XIAP: variants seen among roughly 807,000 people sequenced by gnomAD.
XIAP encodes X-linked inhibitor of apoptosis, also known as E3 ubiquitin-protein ligase XIAP.
In XIAP, 3 loss-of-function variants were observed where a neutral mutation model predicts 33.1. That is an observed-to-expected ratio of 0.09 (90% confidence interval 0.04 to 0.23). The LOEUF (loss-of-function observed/expected upper bound fraction) is 0.23. XIAP is among the 10% of genes least tolerant of loss of function. XIAP has a pLI of 1.00. For synonymous variants in XIAP, 98 were observed against 121.3 expected (o/e 0.81, Z 1.26); for missense variants, 264 against 363.0 (o/e 0.73, Z 2.22).
intron 1 of XIAP, among the ~76,000 whole-genome samples, chrX:123,880,627 C>T (rs922168743): frequency 8.5e-5 from 9 of 105,603 alleles, no homozygotes; most frequent in Non-Finnish European, 1.7e-4. Context: ...ATCCCAGCTA[C>T]TTGGGAGGCT....
intron 1 of XIAP, among the ~76,000 whole-genome samples, chrX:123,878,111 A>G (rs1381785320): frequency 1.8e-5 from 2 of 111,932 alleles, no homozygotes; most frequent in African/African-American, 6.5e-5. Flanking sequence ...CTAACATCCC[A>G]TTTTCCATAT....
intron 1 of XIAP, among the ~76,000 whole-genome samples, chrX:123,870,386 C>G (rs1310823468): frequency 8.9e-6 from 1 of 112,141 alleles, no homozygotes; most frequent in Non-Finnish European, 1.9e-5. Flanking sequence ...CATGCGGACA[C>G]TCATGAAATA....
At chrX:123,889,104 T>C (rs1160416004) in intron 3 of XIAP, among the ~76,000 whole-genome samples, 1 of 103,986 alleles carries the variant, frequency 9.6e-6, no homozygotes, top group Non-Finnish European at 2.0e-5. Flanking sequence ...TTTTTTTTTT[T>C]TTTTTGATAT....
Position 123,909,253 on chromosome X carries a change from A to C in XIAP, c.*2072A>C. 1 of 320,512 alleles carries C rather than the reference A, an allele frequency of 3.1e-6. No individual in the cohort carries two copies. 26.4% of individuals were successfully genotyped at this position (320,512 alleles called of 1,213,427 possible). A position where few individuals can be genotyped will look rare whatever the true frequency, so the allele number is the denominator to read the frequency against. On this transcript the variant is annotated 3_prime_UTR_variant, in exon 7 of 7. Coordinates refer to ENST00000371199, the MANE Select transcript of XIAP (RefSeq NM_001167.4). ...ACCATGTTGGCCAGGCTGGTATCAA[A>C]CTCCTGACCTCAAGAGATCCACTCG...
At chrX:123,859,838 G>A, upstream of XIAP, 4 of 250,360 alleles carry the variant, frequency 1.6e-5, no homozygotes, top group South Asian at 1.5e-4. Context: ...CCGGTTCGGG[G>A]AGGTGGCGGG....
rs2053589873 is a variant in XIAP at position 123,910,520 on chromosome X, A to G, written c.*3339A>G. Reference sequence around the variant, plus strand: ...CAGGTGTTGAATGGGGAAAGGGGCTAGTATATCAGTAGGATATACTATGGG... The same window carrying G: ...CAGGTGTTGAATGGGGAAAGGGGCTGGTATATCAGTAGGATATACTATGGG... On this transcript the variant is annotated 3_prime_UTR_variant, in exon 7 of 7. Transcript: ENST00000371199. The G allele has an allele frequency of 3.1e-6, 1 of 327,436 alleles. No individual in the cohort carries two copies. Among genetic ancestry groups the G allele is most frequent in the African/African-American group, 2.7e-5 (1 of 37,534 alleles). 27.0% of individuals were successfully genotyped at this position (327,436 alleles called of 1,213,427 possible). A position where few individuals can be genotyped will look rare whatever the true frequency, so the allele number is the denominator to read the frequency against.
chrX:123,892,724 G>A lies in XIAP; in HGVS notation c.1057-7G>A, dbSNP rs753427928. On this transcript the variant is annotated splice_region_variant and splice_polypyrimidine_tract_variant and intron_variant, in intron 4 of 6. Coordinates refer to ENST00000371199, the MANE Select transcript of XIAP (RefSeq NM_001167.4). Reference sequence around the variant, plus strand: ...ATTCTAACTTACAGTTCCTATTTCTGTTACAGGTAAGAACTACTGAGAAAA... The same window carrying A: ...ATTCTAACTTACAGTTCCTATTTCTATTACAGGTAAGAACTACTGAGAAAA... 6.4e-5 allele frequency: 77 copies of A among 1,193,850 alleles called. No individual in the cohort carries two copies. Among genetic ancestry groups the A allele is most frequent in the Non-Finnish European group, 8.3e-5 (73 of 881,600 alleles).
intron 1 of XIAP, among the ~76,000 whole-genome samples, chrX:123,880,781 G>A (rs1008874918): frequency 2.8e-5 from 3 of 105,589 alleles, no homozygotes; most frequent in African/African-American, 6.9e-5. Context: ...CTTTTGTGTC[G>A]TATACAGACA....
intron 1 of XIAP, among the ~76,000 whole-genome samples, chrX:123,868,888 A>G (rs768308573): frequency 8.9e-6 from 1 of 112,193 alleles, no homozygotes; most frequent in Admixed American, 9.6e-5. Flanking sequence ...AAATTGTGAT[A>G]CATTTGTAGC....
At chrX:123,874,181 T>A (rs2053221065) in intron 1 of XIAP, among the ~76,000 whole-genome samples, 1 of 111,739 alleles carries the variant, frequency 8.9e-6, no homozygotes, top group Non-Finnish European at 1.9e-5. Flanking sequence ...ATAACCAGAT[T>A]ACACCCATAG....
At position 123,912,947 on chromosome X, in the gene XIAP, A is replaced by G. The variant is rs1210999741; in HGVS notation, c.*5766A>G. The G allele has an allele frequency of 3.5e-6, 1 of 283,729 alleles. No individual in the cohort carries two copies. Among genetic ancestry groups the G allele is most frequent in the Admixed American group, 3.8e-5 (1 of 26,107 alleles). The allele number at this position is 283,729 out of a possible 1,213,427, so 23.4% of individuals were successfully genotyped here. On this transcript the variant is annotated 3_prime_UTR_variant, in exon 7 of 7. Coordinates refer to ENST00000371199, the MANE Select transcript of XIAP (RefSeq NM_001167.4). Reference sequence around the variant, plus strand: ...AGGCGTGAGCCACCACGGCCGGCTAATTTTTGTATTTTTTAGTAGTGACTG... The same window carrying G: ...AGGCGTGAGCCACCACGGCCGGCTAGTTTTTGTATTTTTTAGTAGTGACTG...
At chrX:123,867,013 C>T (rs2053145232) in intron 1 of XIAP, among the ~76,000 whole-genome samples, 1 of 95,621 alleles carries the variant, frequency 1.0e-5, no homozygotes, top group Admixed American at 1.2e-4. Context: ...TAATGACGAT[C>T]ATATTGTCTA....
At chrX:123,872,263 A>C (rs2053200897) in intron 1 of XIAP, among the ~76,000 whole-genome samples, 1 of 110,622 alleles carries the variant, frequency 9.0e-6, no homozygotes, top group South Asian at 3.7e-4. Context: ...GTGGATGAAC[A>C]GTTCATAACT....
At chrX:123,874,869 A>ATTT (rs773693860) in intron 1 of XIAP, among the ~76,000 whole-genome samples, 243 of 42,690 alleles carry the variant, frequency 5.7e-3, no homozygotes, top group Middle Eastern at 0.015. Context: ...TAATTCTTGT[A>ATTT]TTTTTTTTTT....
rs1212625622 is a variant in XIAP at position 123,913,258 on chromosome X, G to A, written c.*6077G>A. ...AGGCTGAGGCAGGCGGCTCACCTGA[G>A]GTCAGGAGTTGGAGACCAGCCTGGC... On this transcript the variant is annotated 3_prime_UTR_variant, in exon 7 of 7. Coordinates refer to ENST00000371199, the MANE Select transcript of XIAP (RefSeq NM_001167.4). 3.0e-6 allele frequency: 1 copy of A among 328,553 alleles called. No homozygotes were observed. The highest frequency in any genetic ancestry group is 9.7e-4 in the Middle Eastern group (1 of 1,035). The allele number at this position is 328,553 out of a possible 1,213,427, so 27.1% of individuals were successfully genotyped here.
intron 5 of XIAP, 147 bp from the exon 6 acceptor site, chrX:123,900,346 C>T: frequency 2.0e-6 from 1 of 510,320 alleles, no homozygotes. Context: ...AAAATCTTCC[C>T]AAAGCAGCTT....
At chrX:123,864,875 G>T (rs1469435894) in intron 1 of XIAP, among the ~76,000 whole-genome samples, 2 of 104,607 alleles carry the variant, frequency 1.9e-5, no homozygotes, top group Non-Finnish European at 3.9e-5. Flanking sequence ...GTAAAGACAG[G>T]GTTTCACCAT....
rs774680094 is a variant in XIAP at position 123,900,411 on chromosome X, A to G, written c.1100-82A>G. The G allele has an allele frequency of 8.1e-5, 69 of 853,812 alleles. No homozygotes were observed. The South Asian group carries it at 1.4e-3, about 17-fold the overall frequency. The allele number at this position is 853,812 out of a possible 1,213,427, so 70.4% of individuals were successfully genotyped here. Reference sequence around the variant, plus strand: ...CTTGCTCCTTAATTTTTTCATTTTAACTATATTTTGCTATTGAGTTGTGAT... The same window carrying G: ...CTTGCTCCTTAATTTTTTCATTTTAGCTATATTTTGCTATTGAGTTGTGAT... On this transcript the variant is annotated intron_variant, in intron 5 of 6. Coordinates refer to ENST00000371199, the MANE Select transcript of XIAP (RefSeq NM_001167.4).
In XIAP at chrX:123,909,331, A is replaced by G. The variant is rs1238695522; in HGVS notation, c.*2150A>G. The G allele has an allele frequency of 3.0e-6, 1 of 329,073 alleles. No individual in the cohort carries two copies. Among genetic ancestry groups the G allele is most frequent in the Admixed American group, 3.1e-5 (1 of 32,141 alleles). 27.1% of individuals were successfully genotyped at this position (329,073 alleles called of 1,213,427 possible). A position where few individuals can be genotyped will look rare whatever the true frequency, so the allele number is the denominator to read the frequency against. On this transcript the variant is annotated 3_prime_UTR_variant, in exon 7 of 7. Coordinates refer to ENST00000371199, the MANE Select transcript of XIAP (RefSeq NM_001167.4). ...CAGGCTTGAGCCACCACGCCCGGCTAAAACATTGCAAATTTAAATGAGAGT... is the reference window on the plus strand; with the variant it reads ...CAGGCTTGAGCCACCACGCCCGGCTGAAACATTGCAAATTTAAATGAGAGT...
Sources: gnomAD v4.1 joint callset for allele counts (sites outside exome capture counted in the v4.1 genomes callset) on GRCh38, gnomAD v4.1.1 for gene constraint, MANE v1.5 for transcripts, NCBI Gene and HGNC (gene_info 2026-07-23, HGNC 2026-07-21) for gene names.